Variants in PAPPA2 observed in about 807,000 individuals in gnomAD.
The protein encoded by PAPPA2 is pappalysin 2.
In PAPPA2, 86 loss-of-function variants were observed where a neutral mutation model predicts 176.4. The ratio of observed to expected loss-of-function variants is 0.49; its 90% confidence interval spans 0.41 to 0.58. The LOEUF is 0.58. Ranked by LOEUF, PAPPA2 falls within the 20% of genes least tolerant of loss-of-function variation. PAPPA2 has a pLI of 0.00. For synonymous variants in PAPPA2, 809 were observed against 852.2 expected (o/e 0.95, Z 0.88); for missense variants, 2,073 against 2,256.9 (o/e 0.92, Z 1.65).
intron 17 of PAPPA2, 131 bp from the exon 18 acceptor site, chr1:176,789,678 G>A: frequency 1.1e-6 from 1 of 920,352 alleles, no homozygotes; most frequent in Non-Finnish European, 1.7e-6. Context: ...TAGGACAGTG[G>A]GACATATGGC....
At chr1:176,483,358 G>C (rs1003786537) in intron 1 of PAPPA2, among the ~76,000 whole-genome samples, 1 of 151,622 alleles carries the variant, frequency 6.6e-6, no homozygotes, top group Non-Finnish European at 1.5e-5. Context: ...AGGACTTTGA[G>C]GGATATAGAA....
chr1:176,814,490 G>T (rs1173355411), intron 21 of PAPPA2, among the ~76,000 whole-genome samples: 1 of 152,042 alleles, frequency 6.6e-6, no homozygotes, highest in Non-Finnish European at 1.5e-5. Flanking sequence ...TTCTTGAAGA[G>T]TTCCTTCATT....
intron 21 of PAPPA2, among the ~76,000 whole-genome samples, chr1:176,834,289 T>C (rs1667186683): frequency 6.6e-6 from 1 of 152,180 alleles, no homozygotes; most frequent in African/African-American, 2.4e-5. Flanking sequence ...AGAAGATTGT[T>C]CCTAAGAAAC....
At chr1:176,523,988 T>G (rs537320574) in intron 1 of PAPPA2, among the ~76,000 whole-genome samples, 1 of 152,316 alleles carries the variant, frequency 6.6e-6, no homozygotes, top group South Asian at 2.1e-4. Context: ...CCGTGATGTT[T>G]TAGACCCTGT....
chr1:176,512,221 C>CAAAAAAAAAAAAAA (rs58968098), intron 1 of PAPPA2, among the ~76,000 whole-genome samples: 1 of 105,738 alleles, frequency 9.5e-6, no homozygotes, highest in Non-Finnish European at 1.9e-5. Context: ...ACTAAATTTG[C>CAAAAAAAAAAAAAA]AAAAAAAAAA....
chr1:176,815,643 T>G (rs1571367682), intron 21 of PAPPA2, among the ~76,000 whole-genome samples: 1 of 152,220 alleles, frequency 6.6e-6, no homozygotes, highest in East Asian at 1.9e-4. Flanking sequence ...CAGGAGGTTG[T>G]GAGGACATGT....
intron 1 of PAPPA2, among the ~76,000 whole-genome samples, chr1:176,533,678 A>G (rs1649927652): frequency 6.6e-6 from 1 of 152,236 alleles, no homozygotes; most frequent in Non-Finnish European, 1.5e-5. Flanking sequence ...CTACAGCAGC[A>G]TTTCTCAATC....
At chr1:176,544,987 A>G (rs1650554189) in intron 1 of PAPPA2, among the ~76,000 whole-genome samples, 1 of 152,198 alleles carries the variant, frequency 6.6e-6, no homozygotes, top group Non-Finnish European at 1.5e-5. Flanking sequence ...ACTGCCCAGT[A>G]TCTCCATGTG....
intron 3 of PAPPA2, among the ~76,000 whole-genome samples, chr1:176,617,105 G>T (rs1655308306): frequency 6.6e-6 from 1 of 152,074 alleles, no homozygotes; most frequent in Admixed American, 6.6e-5. Context: ...ACTCTTATAG[G>T]GGCTTTTTGG....
intron 4 of PAPPA2, among the ~76,000 whole-genome samples, chr1:176,687,140 T>A (rs1295223162): frequency 6.6e-6 from 1 of 152,234 alleles, no homozygotes; most frequent in Non-Finnish European, 1.5e-5. Flanking sequence ...TGCAGTGCCT[T>A]CTCATATAAA....
In PAPPA2 at chr1:176,702,780, A is replaced by T. The variant is rs61823016; in HGVS notation, c.3365+45A>T. ...GTGTGTGTGTGTGTGTGTGTGTGAG[A>T]GAGAGAGAGAGAGAGAGAGAGAGGG... On this transcript the variant is annotated intron_variant, in intron 9 of 22. Coordinates refer to ENST00000367662, the MANE Select transcript of PAPPA2 (RefSeq NM_020318.3). The T allele has an allele frequency of 0.11, 77,290 of 681,156 alleles. 2,271 individuals are homozygous for T. The highest frequency in any genetic ancestry group is 0.27 in the South Asian group (7,725 of 28,794). 42.2% of individuals were successfully genotyped at this position (681,156 alleles called of 1,614,324 possible). A position where few individuals can be genotyped will look rare whatever the true frequency, so the allele number is the denominator to read the frequency against.
At chr1:176,616,799 G>A (rs1476546143) in intron 3 of PAPPA2, 4 of 822,466 alleles carry the variant, frequency 4.9e-6, no homozygotes, top group African/African-American at 3.5e-5. Flanking sequence ...TATTAATTTA[G>A]TTAAAAAATA....
chr1:176,808,341 G>A (rs1022616423), intron 21 of PAPPA2, among the ~76,000 whole-genome samples: 7 of 152,144 alleles, frequency 4.6e-5, no homozygotes, highest in African/African-American at 1.7e-4. Flanking sequence ...ACACTAGGCA[G>A]GGATTAATTC....
At chr1:176,811,891 C>T (rs2102963315) in intron 21 of PAPPA2, among the ~76,000 whole-genome samples, 1 of 152,000 alleles carries the variant, frequency 6.6e-6, no homozygotes, top group East Asian at 1.9e-4. Flanking sequence ...AAACCATTGC[C>T]CCCACACCCC....
chr1:176,635,295 G>A (rs1213917463), intron 3 of PAPPA2, among the ~76,000 whole-genome samples: 1 of 152,052 alleles, frequency 6.6e-6, no homozygotes, highest in African/African-American at 2.4e-5. Flanking sequence ...GTTTGATGTG[G>A]GCTGATATTT....
chr1:176,616,297 T>C, intron 3 of PAPPA2: 1 of 526,974 alleles, frequency 1.9e-6, no homozygotes, highest in Non-Finnish European at 3.7e-6. Flanking sequence ...TTTATATGAC[T>C]ATTGGAATCT....
intron 1 of PAPPA2, among the ~76,000 whole-genome samples, chr1:176,495,938 G>A (rs1647593594): frequency 6.6e-6 from 1 of 152,098 alleles, no homozygotes; most frequent in African/African-American, 2.4e-5. Flanking sequence ...TGGCTCTGCA[G>A]TGAATTTGTA....
In PAPPA2 at chr1:176,793,320, A is replaced by G. The variant is rs192433912; in HGVS notation, c.5021-240A>G. Among the ~76,000 whole-genome samples the G allele has an allele frequency of 3.9e-5, 6 of 152,272 alleles. No individual in the cohort carries two copies. In the East Asian group the frequency reaches 9.7e-4, roughly 25 times the overall value. ...GAGGAGGGGTTATCCTGGACAGGAC[A>G]GAGGAGGGGACACCTGCAGCAAGTT... On this transcript the variant is annotated intron_variant, in intron 19 of 22. Transcript: ENST00000367662.
rs201099713 is a variant in PAPPA2, at chr1:176,739,665, A to G, written c.3838A>G (p.Ile1280Val). 9.7e-5 allele frequency: 156 copies of G among 1,613,518 alleles called. No individual in the cohort carries two copies. Among genetic ancestry groups the G allele is most frequent in the Non-Finnish European group, 5.9e-6 (7 of 1,179,730 alleles). The change falls in exon 13 of 23, where the codon ATT becomes GTT. Residue 1280 changes from isoleucine to valine, a missense_variant. Transcript: ENST00000367662. ...NRPGEARAIF[I>V]FLTTDGLVPG... ...ACCAGGAGAGGCCAGAGCAATTTTTATTTTTTTGACAACTGATGGCCTAGT... is the reference window on the plus strand; with the variant it reads ...ACCAGGAGAGGCCAGAGCAATTTTTGTTTTTTTGACAACTGATGGCCTAGT...
Sources: gnomAD v4.1 joint callset for allele counts (sites outside exome capture counted in the v4.1 genomes callset) on GRCh38, gnomAD v4.1.1 for gene constraint, MANE v1.5 for transcripts, NCBI Gene and HGNC (gene_info 2026-07-23, HGNC 2026-07-21) for gene names.